Variants in NELL2 observed in about 807,000 individuals in gnomAD.
The protein encoded by NELL2 is protein kinase C-binding protein NELL2.
In NELL2, 41 loss-of-function variants were observed where a neutral mutation model predicts 109.6. That is an observed-to-expected ratio of 0.37 (90% confidence interval 0.29 to 0.49). The LOEUF is 0.49. Among genes scored for constraint, NELL2 ranks in the 20% least tolerant of loss-of-function variants. The pLI is 0.98. For synonymous variants in NELL2, 355 were observed against 344.7 expected (o/e 1.03, Z -0.33); for missense variants, 900 against 1,008.3 (o/e 0.89, Z 1.45).
chr12:44,517,293 T>C (rs1332232253), intron 19 of NELL2, among the ~76,000 whole-genome samples: 1 of 151,982 alleles, frequency 6.6e-6, no homozygotes, highest in Non-Finnish European at 1.5e-5. Flanking sequence ...AGAGGTCCAC[T>C]GGCACAACTT....
At chr12:44,755,945 A>C (rs1329853393) in intron 9 of NELL2, among the ~76,000 whole-genome samples, 3 of 152,200 alleles carry the variant, frequency 2.0e-5, no homozygotes, top group African/African-American at 7.2e-5. Flanking sequence ...GATGAATAGC[A>C]CAACTTCTGG....
At chr12:44,780,124 C>T in intron 3 of NELL2, 102 bp from the exon 4 acceptor site, 1 of 1,237,450 alleles carries the variant, frequency 8.1e-7, no homozygotes, top group South Asian at 1.5e-5. Context: ...TTTCCTAGTT[C>T]TCCCACTAAG....
chr12:44,665,688 A>T, intron 12 of NELL2, 79 bp from the exon 13 acceptor site: 1 of 1,424,186 alleles, frequency 7.0e-7, no homozygotes, highest in Non-Finnish European at 9.4e-7. Context: ...TGGTAGGGAG[A>T]GGGAAGTATT....
intron 15 of NELL2, among the ~76,000 whole-genome samples, chr12:44,584,417 T>G (rs1565968470): frequency 6.6e-6 from 1 of 152,210 alleles, no homozygotes; most frequent in Non-Finnish European, 1.5e-5. Context: ...ATTGGAGACC[T>G]CTTGTTACGA....
At chr12:44,769,972 A>G (rs1217402008) in intron 9 of NELL2, among the ~76,000 whole-genome samples, 1 of 152,146 alleles carries the variant, frequency 6.6e-6, no homozygotes, top group Admixed American at 6.5e-5. Flanking sequence ...TACGCCCACA[A>G]TATTGAGGAA....
At chr12:44,799,173 C>T (rs992094296) in intron 3 of NELL2, among the ~76,000 whole-genome samples, 3 of 151,674 alleles carry the variant, frequency 2.0e-5, no homozygotes, top group Non-Finnish European at 2.9e-5. Flanking sequence ...TTAGCCAGGA[C>T]GGTCTTGATC....
chr12:44,718,074 A>G (rs573523953), intron 9 of NELL2, among the ~76,000 whole-genome samples: 20 of 152,346 alleles, frequency 1.3e-4, no homozygotes, highest in African/African-American at 4.8e-4. Flanking sequence ...AAGATTTGAA[A>G]GAGAAAACTG....
intron 12 of NELL2, among the ~76,000 whole-genome samples, chr12:44,697,457 A>G (rs745936146): frequency 6.6e-6 from 1 of 152,200 alleles, no homozygotes; most frequent in Non-Finnish European, 1.5e-5. Flanking sequence ...AAATCCACAC[A>G]GACATGGGGA....
At chr12:44,684,008 C>T (rs532525060) in intron 12 of NELL2, among the ~76,000 whole-genome samples, 25 of 152,244 alleles carry the variant, frequency 1.6e-4, no homozygotes, top group African/African-American at 6.0e-4. Context: ...CCAGTTCCTC[C>T]TTGTATCTCT....
At chr12:44,686,583 A>AT (rs1247754655) in intron 12 of NELL2, among the ~76,000 whole-genome samples, 1 of 151,714 alleles carries the variant, frequency 6.6e-6, no homozygotes, top group East Asian at 1.9e-4. Flanking sequence ...TGATGTACAG[A>AT]TAGGTTTTTG....
chr12:44,878,821 G>GC (rs1945379432), upstream of NELL2, among the ~76,000 whole-genome samples: 1 of 152,052 alleles, frequency 6.6e-6, no homozygotes, highest in Non-Finnish European at 1.5e-5. Flanking sequence ...TTAAAATTTT[G>GC]CTTGCAATCA....
intron 13 of NELL2, among the ~76,000 whole-genome samples, chr12:44,664,832 T>C (rs1280171234): frequency 9.4e-6 from 1 of 105,936 alleles, no homozygotes; most frequent in African/African-American, 3.6e-5. Context: ...TAGCATCATG[T>C]TTTGTTTTGT....
chr12:44,876,270 C>T lies in NELL2; in HGVS notation c.-401G>A, dbSNP rs2272518. 2.2e-5 allele frequency: 25 copies of T among 1,155,576 alleles called. No homozygotes were observed. The highest frequency in any genetic ancestry group is 3.0e-5 in the South Asian group (1 of 33,606). The allele number at this position is 1,155,576 out of a possible 1,614,324, so 71.6% of individuals were successfully genotyped here. ...CCCGGGCTGGGGCGGCCCCGCACCCCCCCGTCTTCCCCGCCGCCCGAACCT... is the reference window on the plus strand; with the variant it reads ...CCCGGGCTGGGGCGGCCCCGCACCCTCCCGTCTTCCCCGCCGCCCGAACCT... On this transcript the variant is annotated 5_prime_UTR_variant, in exon 1 of 20. Coordinates refer to ENST00000429094, the MANE Select transcript of NELL2 (RefSeq NM_001145108.2).
At chr12:44,716,959 G>A (rs1938522230) in intron 9 of NELL2, among the ~76,000 whole-genome samples, 1 of 152,166 alleles carries the variant, frequency 6.6e-6, no homozygotes, top group Non-Finnish European at 1.5e-5. Context: ...TGGGACAATA[G>A]GGCACCAAAT....
At chr12:44,522,252 C>G in intron 17 of NELL2, 76 bp from the exon 18 acceptor site, 1 of 1,212,826 alleles carries the variant, frequency 8.2e-7, no homozygotes, top group Non-Finnish European at 1.1e-6. Flanking sequence ...CACGCACACA[C>G]ATTTCAGATG....
At chr12:44,648,454 G>C (rs1025397420) in intron 13 of NELL2, among the ~76,000 whole-genome samples, 5 of 152,038 alleles carry the variant, frequency 3.3e-5, no homozygotes, top group Non-Finnish European at 7.4e-5. Context: ...CACAGAAGCT[G>C]TAAAAAGACA....
intron 11 of NELL2, 89 bp downstream of exon 11, chr12:44,711,203 T>C: frequency 2.2e-6 from 2 of 926,958 alleles, no homozygotes; most frequent in Non-Finnish European, 3.5e-6. Flanking sequence ...GGAAATAATT[T>C]GCTTATGAGA....
At chr12:44,620,708 G>A (rs1946026890) in intron 13 of NELL2, among the ~76,000 whole-genome samples, 1 of 151,898 alleles carries the variant, frequency 6.6e-6, no homozygotes, top group Non-Finnish European at 1.5e-5. Flanking sequence ...CATTTATCCG[G>A]GGCCAGGTCA....
At chr12:44,577,650 G>A (rs1487575490) in intron 15 of NELL2, among the ~76,000 whole-genome samples, 3 of 151,556 alleles carry the variant, frequency 2.0e-5, no homozygotes, top group African/African-American at 4.9e-5. Context: ...CTAATTTTTT[G>A]TATTTTTTTA....
Sources: allele counts gnomAD v4.1 joint callset (sites outside exome capture counted in the v4.1 genomes callset), GRCh38; gene constraint gnomAD v4.1.1; transcripts MANE v1.5; gene names NCBI Gene and HGNC (gene_info 2026-07-23, HGNC 2026-07-21).